The following GFRA2 variants were observed in gnomAD, a reference collection of about 807,000 sequenced individuals.
GFRA2 encodes the protein GDNF family receptor alpha 2.
Under a neutral mutation model 48.3 loss-of-function variants are expected in GFRA2, and 17 were observed. The observed-to-expected ratio is 0.35, with a 90% CI of 0.24 to 0.53. GFRA2 has a LOEUF of 0.53. Ranked by LOEUF, GFRA2 falls within the 20% of genes least tolerant of loss-of-function variation. The probability of loss-of-function intolerance (pLI) is 0.93; values close to 1 mark genes in which losing one functional copy is unlikely to be tolerated. For missense variants in GFRA2, 660 were observed against 637.3 expected, an observed-to-expected ratio of 1.04 and a Z score of -0.38; for synonymous variants, 305 against 257.2, an observed-to-expected ratio of 1.19 and a Z score of -1.78.
At chr8:21,706,501 A>G in intron 4 of GFRA2, 1 of 455,122 alleles carries the variant, frequency 2.2e-6, no homozygotes. Context: ...TCCCTTCCCT[A>G]GATGCTTCAT....
intron 3 of GFRA2, among the ~76,000 whole-genome samples, chr8:21,759,495 AAGGAAGGAAGGAAGGAAG>A (rs1563252172): frequency 2.1e-4 from 26 of 124,458 alleles, no homozygotes; most frequent in African/African-American, 7.2e-4. Flanking sequence ...AGAAGGAAGG[AAGGAAGGAAGGAAGGAAG>A]GAAGGAAGGA....
intron 4 of GFRA2, among the ~76,000 whole-genome samples, chr8:21,709,981 CG>C (rs1313262932): frequency 6.6e-6 from 1 of 152,084 alleles, no homozygotes; most frequent in East Asian, 1.9e-4. Context: ...GGGAGAGAGG[CG>C]GGAGTAGAGG....
chr8:21,709,599 G>A (rs974617054), intron 4 of GFRA2, among the ~76,000 whole-genome samples: 4 of 152,316 alleles, frequency 2.6e-5, no homozygotes, highest in Non-Finnish European at 5.9e-5. Context: ...GTGTGCCTGG[G>A]GGCCAGGGAC....
chr8:21,806,374 A>C (rs1298649739), intron 1 of GFRA2, among the ~76,000 whole-genome samples: 1 of 152,262 alleles, frequency 6.6e-6, no homozygotes, highest in African/African-American at 2.4e-5. Context: ...GCTTTATGTT[A>C]GATAACTTTG....
At chr8:21,742,295 C>T (rs981361782) in intron 4 of GFRA2, among the ~76,000 whole-genome samples, 1 of 152,056 alleles carries the variant, frequency 6.6e-6, no homozygotes, top group Non-Finnish European at 1.5e-5. Flanking sequence ...GATTAGTGGC[C>T]TTATAAGAAG....
chr8:21,709,348 G>C (rs116450572), intron 4 of GFRA2, among the ~76,000 whole-genome samples: 7 of 152,370 alleles, frequency 4.6e-5, no homozygotes, highest in African/African-American at 1.7e-4. Flanking sequence ...CATTGCATGA[G>C]CAGTTCCTGA....
chr8:21,804,663 G>C (rs1208730166), intron 2 of GFRA2, among the ~76,000 whole-genome samples: 4 of 152,156 alleles, frequency 2.6e-5, no homozygotes, highest in South Asian at 4.1e-4. Context: ...CCTCAGATTT[G>C]TCTGCTTTTC....
At chr8:21,784,425 C>A in intron 1 of GFRA2, 1 of 440,118 alleles carries the variant, frequency 2.3e-6, no homozygotes, top group Non-Finnish European at 4.7e-6. Flanking sequence ...GTCCCCTCCT[C>A]AATACCGCAG....
chr8:21,794,203 C>A (rs1428925335), intron 2 of GFRA2, among the ~76,000 whole-genome samples: 1 of 117,812 alleles, frequency 8.5e-6, no homozygotes, highest in Non-Finnish European at 1.8e-5. Context: ...ATTTTTTATT[C>A]TAAAAAAATT....
At chr8:21,700,404 G>A (rs1203242477) in intron 7 of GFRA2, among the ~76,000 whole-genome samples, 1 of 152,238 alleles carries the variant, frequency 6.6e-6, no homozygotes. Context: ...ATCGGCCACA[G>A]GGCCAACTGG....
intron 6 of GFRA2, among the ~76,000 whole-genome samples, chr8:21,703,619 C>T (rs749216041): frequency 5.3e-5 from 8 of 152,206 alleles, no homozygotes; most frequent in Non-Finnish European, 1.2e-4. Flanking sequence ...TCCCTTTGAT[C>T]CCTCATATTG....
upstream of GFRA2, among the ~76,000 whole-genome samples, chr8:21,793,378 C>T (rs371414688): frequency 3.1e-3 from 477 of 152,058 alleles, 1 homozygote; most frequent in Middle Eastern, 0.014. Context: ...TGGCAGTGGG[C>T]GTGGACAGAG....
At chr8:21,802,973 A>T (rs1460641357) in intron 2 of GFRA2, among the ~76,000 whole-genome samples, 1 of 152,254 alleles carries the variant, frequency 6.6e-6, no homozygotes, top group Non-Finnish European at 1.5e-5. Context: ...GCATTCATGT[A>T]AAATATCAGA....
At chr8:21,809,000 G>A (rs1205897679) in intron 1 of GFRA2, among the ~76,000 whole-genome samples, 2 of 152,142 alleles carry the variant, frequency 1.3e-5, no homozygotes, top group African/African-American at 4.8e-5. Context: ...AATGAAGCAG[G>A]GTATGAATTT....
intron 2 of GFRA2, among the ~76,000 whole-genome samples, chr8:21,782,183 C>T (rs2117070364): frequency 6.6e-6 from 1 of 152,178 alleles, no homozygotes; most frequent in East Asian, 1.9e-4. Context: ...CTCACTTCTC[C>T]ATCTGCCTGG....
chr8:21,790,361 G>C (rs1056059874), upstream of GFRA2, among the ~76,000 whole-genome samples: 7 of 152,238 alleles, frequency 4.6e-5, no homozygotes, highest in Non-Finnish European at 1.0e-4. Flanking sequence ...TGGGCTGCAC[G>C]TAACATGAAT....
At chr8:21,712,671 G>A (rs1803113141) in intron 4 of GFRA2, among the ~76,000 whole-genome samples, 1 of 152,172 alleles carries the variant, frequency 6.6e-6, no homozygotes, top group East Asian at 1.9e-4. Context: ...GGAGGTGGAG[G>A]TTGTAGTGAG....
intron 3 of GFRA2, among the ~76,000 whole-genome samples, chr8:21,757,506 C>CTTT (rs5889999): frequency 3.4e-5 from 5 of 145,820 alleles, no homozygotes; most frequent in African/African-American, 1.3e-4. Flanking sequence ...TTCCTTAATC[C>CTTT]TTTTTTTTGA....
At position 21,696,268 on chromosome 8, in the gene GFRA2, G is replaced by A. The variant is rs191850572; in HGVS notation, c.1219-1751C>T. Among the ~76,000 whole-genome samples, 300 of 150,858 alleles carry A rather than the reference G, an allele frequency of 2.0e-3. 1 individual carries two copies. The highest frequency in any genetic ancestry group is 3.8e-3 in the Non-Finnish European group (255 of 67,844). On this transcript the variant is annotated intron_variant, in intron 7 of 8. Transcript: ENST00000524240. ...CCAGTGGAGCCCATGGGGAATCACAGAGGCAGAAGCTCCCTGCACTCAAGA... is the reference window on the plus strand; with the variant it reads ...CCAGTGGAGCCCATGGGGAATCACAAAGGCAGAAGCTCCCTGCACTCAAGA...
Sources: gnomAD v4.1 joint callset for allele counts (sites outside exome capture counted in the v4.1 genomes callset) on GRCh38, gnomAD v4.1.1 for gene constraint, MANE v1.5 for transcripts, NCBI Gene and HGNC (gene_info 2026-07-23, HGNC 2026-07-21) for gene names.